Variants in PCMT1 observed in about 807,000 individuals in gnomAD.
PCMT1 encodes protein-L-isoaspartate (D-aspartate) O-methyltransferase.
Under a neutral mutation model 29.2 loss-of-function variants are expected in PCMT1, and 9 were observed. That is an observed-to-expected ratio of 0.31 (90% CI 0.19 to 0.54). The LOEUF is 0.54. Ranked by LOEUF, PCMT1 falls within the 20% of genes least tolerant of loss-of-function variation. The probability of loss-of-function intolerance (pLI) is 0.95; values close to 1 mark genes in which losing one functional copy is unlikely to be tolerated. For missense variants in PCMT1, 184 were observed against 282.2 expected (o/e 0.65, Z 2.49); for synonymous variants, 98 against 97.5 (o/e 1.00, Z -0.03).
At chr6:149,752,822 G>A (rs1786376160) in intron 1 of PCMT1, among the ~76,000 whole-genome samples, 1 of 151,816 alleles carries the variant, frequency 6.6e-6, no homozygotes, top group Non-Finnish European at 1.5e-5. Context: ...CCTTTTTTGG[G>A]CCAAATTTGT....
intron 1 of PCMT1, among the ~76,000 whole-genome samples, chr6:149,768,356 T>G (rs576330004): frequency 6.6e-6 from 1 of 152,126 alleles, no homozygotes; most frequent in South Asian, 2.1e-4. Context: ...TCTCCCAAAG[T>G]GCTCGGATTA....
rs548761007 is a variant in PCMT1 at position 149,756,656 on chromosome 6, C to T, written c.55+6700C>T. On this transcript the variant is annotated intron_variant, in intron 1 of 7. Coordinates refer to ENST00000464889, the MANE Select transcript of PCMT1 (RefSeq NM_001360452.2). Reference sequence around the variant, plus strand: ...CTGGGATTATAGGCATGAGCCCCTGCGCCCAGCCAGCATTTACTCTTAATA... The same window carrying T: ...CTGGGATTATAGGCATGAGCCCCTGTGCCCAGCCAGCATTTACTCTTAATA... Among the ~76,000 whole-genome samples, 64 of 151,070 alleles carry T rather than the reference C, an allele frequency of 4.2e-4. 1 individual carries two copies. In the South Asian group the frequency reaches 0.01, roughly 24 times the overall value.
At chr6:149,787,970 T>C (rs9689242) in intron 3 of PCMT1, among the ~76,000 whole-genome samples, 80,653 of 151,920 alleles carry the variant, frequency 0.53, 24,636 homozygotes, top group East Asian at 0.83. Context: ...GGTGCAGTGG[T>C]GCAGTGGCAC....
At position 149,811,387 on chromosome 6, in the gene PCMT1, T is replaced by C. The variant is rs2115359109; in HGVS notation, c.*809T>C. The C allele has an allele frequency of 6.5e-6, 1 of 152,826 alleles. No individual in the cohort carries two copies. The highest frequency in any genetic ancestry group is 6.5e-5 in the Admixed American group (1 of 15,312). 9.5% of individuals were successfully genotyped at this position (152,826 alleles called of 1,614,324 possible). A position where few individuals can be genotyped will look rare whatever the true frequency, so the allele number is the denominator to read the frequency against. On this transcript the variant is annotated 3_prime_UTR_variant, in exon 8 of 8. Transcript: ENST00000464889. Reference sequence around the variant, plus strand: ...AGTTCTTGAACAGTTTATGCAGTGCTGCTTTGCCAAATAAAGTTAAAAGTA... The same window carrying C: ...AGTTCTTGAACAGTTTATGCAGTGCCGCTTTGCCAAATAAAGTTAAAAGTA...
intron 7 of PCMT1, among the ~76,000 whole-genome samples, chr6:149,808,192 G>A (rs998572026): frequency 2.0e-5 from 3 of 151,832 alleles, no homozygotes; most frequent in Admixed American, 6.6e-5. Context: ...ATTAAATTAT[G>A]TATAATTATA....
intron 4 of PCMT1, among the ~76,000 whole-genome samples, chr6:149,791,681 G>A (rs983864284): frequency 1.3e-5 from 2 of 152,066 alleles, no homozygotes; most frequent in Admixed American, 1.3e-4. Flanking sequence ...CACATAATAA[G>A]GACTCATATT....
chr6:149,781,555 T>C (rs1427590275), intron 3 of PCMT1, among the ~76,000 whole-genome samples: 1 of 152,060 alleles, frequency 6.6e-6, no homozygotes, highest in Non-Finnish European at 1.5e-5. Flanking sequence ...AGGGTCTTGC[T>C]ATGTCGCCCA....
chr6:149,781,862 A>G (rs1357058812), intron 3 of PCMT1, among the ~76,000 whole-genome samples: 2 of 152,192 alleles, frequency 1.3e-5, no homozygotes, highest in Non-Finnish European at 2.9e-5. Context: ...TTGCAAAACT[A>G]ACACTCTATA....
At chr6:149,765,030 TC>T (rs1370401030) in intron 1 of PCMT1, among the ~76,000 whole-genome samples, 3 of 135,446 alleles carry the variant, frequency 2.2e-5, no homozygotes, top group African/African-American at 8.3e-5. Context: ...AGAGTGAGAT[TC>T]CGTCTCTAAA....
chr6:149,751,770 G>C lies in PCMT1; in HGVS notation c.55+1814G>C, dbSNP rs187458872. On this transcript the variant is annotated intron_variant, in intron 1 of 7. Transcript: ENST00000464889. ...GCTGGGATTATAGGCGTGAGCCACC[G>C]CGCCAGGCCGGTACTTGATATATTA... is the stretch of plus-strand genomic sequence containing the variant. Among the ~76,000 whole-genome samples, 1,181 of 152,042 alleles carry C rather than the reference G, an allele frequency of 7.8e-3. 15 individuals carry two copies. The highest frequency in any genetic ancestry group is 0.026 in the African/African-American group (1,087 of 41,488).
At chr6:149,786,612 A>T in intron 3 of PCMT1, among the ~76,000 whole-genome samples, 1 of 139,722 alleles carries the variant, frequency 7.2e-6, no homozygotes, top group Admixed American at 7.1e-5. Context: ...GCGGCCGGGC[A>T]GAGACGCTCC....
At chr6:149,809,912 A>G (rs988392804) in intron 7 of PCMT1, 9 of 152,150 alleles carry the variant, frequency 5.9e-5, no homozygotes, top group African/African-American at 1.9e-4. Context: ...ACCTTCAGCT[A>G]TGAGGCTTGT....
chr6:149,776,698 C>T (rs1386127572), intron 3 of PCMT1, among the ~76,000 whole-genome samples: 1 of 152,056 alleles, frequency 6.6e-6, no homozygotes, highest in Non-Finnish European at 1.5e-5. Flanking sequence ...AGGCATAAGC[C>T]ACCATGCCCA....
chr6:149,768,292 A>G (rs931176152), intron 1 of PCMT1, among the ~76,000 whole-genome samples: 4 of 150,802 alleles, frequency 2.7e-5, no homozygotes, highest in Non-Finnish European at 4.4e-5. Flanking sequence ...GGGTCTCCCT[A>G]TGTTGCCCAG....
intron 1 of PCMT1, among the ~76,000 whole-genome samples, chr6:149,764,757 G>C (rs2115232360): frequency 6.6e-6 from 1 of 150,960 alleles, no homozygotes; most frequent in East Asian, 2.0e-4. Context: ...ATTAAAAAAT[G>C]GGGCCAGGCG....
chr6:149,782,517 A>T (rs911124256), intron 3 of PCMT1, among the ~76,000 whole-genome samples: 11 of 152,188 alleles, frequency 7.2e-5, no homozygotes, highest in Non-Finnish European at 1.3e-4. Context: ...CAGGTTTGGG[A>T]TCCTAAATAC....
intron 5 of PCMT1, chr6:149,795,236 G>A (rs1317316190): frequency 1.8e-5 from 7 of 390,584 alleles, no homozygotes; most frequent in Middle Eastern, 5.4e-4. Context: ...ACACGACAGC[G>A]CCATGTTGCA....
intron 5 of PCMT1, 28 bp downstream of exon 5, chr6:149,793,697 C>T (rs761998116): frequency 2.0e-6 from 3 of 1,517,276 alleles, no homozygotes; most frequent in South Asian, 1.4e-5. Context: ...TTAAAAATTT[C>T]TTCAGAGGAT....
chr6:149,807,273 T>C (rs1776041918), intron 7 of PCMT1, among the ~76,000 whole-genome samples: 1 of 152,212 alleles, frequency 6.6e-6, no homozygotes, highest in African/African-American at 2.4e-5. Context: ...TATTAGTTGC[T>C]ACAGAAAGTT....
Sources: allele counts gnomAD v4.1 joint callset (sites outside exome capture counted in the v4.1 genomes callset), GRCh38; gene constraint gnomAD v4.1.1; transcripts MANE v1.5; gene names NCBI Gene and HGNC (gene_info 2026-07-23, HGNC 2026-07-21).